The following PRRT3 variants were observed in gnomAD, a reference collection of about 807,000 sequenced individuals.
The protein encoded by PRRT3 is proline rich transmembrane protein 3, also known as proline-rich transmembrane protein 3.
In PRRT3, 48 loss-of-function variants were observed where a neutral mutation model predicts 56.6. That is an observed-to-expected ratio of 0.85 (90% CI 0.67 to 1.08). The LOEUF is 1.08. PRRT3 is among the 50% of genes least tolerant of loss of function. The pLI is 0.00. For missense variants in PRRT3, 1,370 were observed against 1,353.1 expected (o/e 1.01, Z -0.20); for synonymous variants, 641 against 619.1 (o/e 1.04, Z -0.52).
Position 9,947,750 on chromosome 3 carries a change from C to T in PRRT3, c.1423G>A (p.Val475Ile), listed in dbSNP as rs769349850. The T allele has an allele frequency of 4.1e-5, 62 of 1,521,048 alleles. No homozygotes were observed. Among genetic ancestry groups the T allele is most frequent in the Admixed American group, 3.2e-4 (14 of 43,266 alleles). 94.2% of individuals were successfully genotyped at this position (1,521,048 alleles called of 1,614,324 possible). A position where few individuals can be genotyped will look rare whatever the true frequency, so the allele number is the denominator to read the frequency against. ...RVLSFSWELHVYGVGVLFLLP... is the reference protein window; with the variant it reads ...RVLSFSWELHIYGVGVLFLLP... ...AGAAAGAGTACCCCCACCCCGTAGA[C>T]GTGCAGCTCCCAGGAGAAGCTCAGG... The change falls in exon 4 of 4, where the codon GTC becomes ATC. Residue 475 changes from valine to isoleucine, a missense_variant. By Grantham distance (29) the Val-to-Ile change is conservative (BLOSUM62 3). Coordinates refer to ENST00000412055, the MANE Select transcript of PRRT3 (RefSeq NM_207351.5). The surrounding 1 kb of genome is among the most constrained non-coding windows in gnomAD (Gnocchi z 9.2).
chr3:9,949,955 T>C lies in PRRT3; in HGVS notation c.161A>G (p.Glu54Gly). ...GAHPKGSVGS[E>G]PQAFDVFPEN... Reference sequence around the variant, plus strand: ...CGGGAACACGTCAAAGGCCTGGGGCTCTGAGCCCACAGAGCCCTTGGGGTG... The same window carrying C: ...CGGGAACACGTCAAAGGCCTGGGGCCCTGAGCCCACAGAGCCCTTGGGGTG... The change falls in exon 2 of 4, where the codon GAG (glutamate) becomes GGG (glycine). Residue 54 changes from glutamate (E) to glycine (G), a missense_variant. Transcript: ENST00000412055. The surrounding 1 kb of genome is among the most constrained non-coding windows in gnomAD (Gnocchi z 4.5). 1 of 1,586,122 alleles carries C rather than the reference T, an allele frequency of 6.3e-7. No individual in the cohort carries two copies. The highest frequency in any genetic ancestry group is 8.6e-7 in the Non-Finnish European group (1 of 1,167,968).
rs1347967011 is a variant in PRRT3 at position 9,946,519 on chromosome 3, G to A, written c.2654C>T (p.Pro885Leu). The change falls in exon 4 of 4, where the codon CCA (proline) becomes CTA (leucine). Residue 885 changes from proline (P) to leucine (L), a missense_variant. Coordinates refer to ENST00000412055, the MANE Select transcript of PRRT3 (RefSeq NM_207351.5). This position sits in a 1 kb window ranked among gnomAD's most constrained non-coding sequence, Gnocchi z 4.1. ...LSDVRVRGPV[P>L]QHVVEAPDGA... ...GTCGGGTGCTTCCACTACGTGCTGT[G>A]GGACCGGCCCGCGCACGCGCACGTC... 3 of 1,498,970 alleles carry A rather than the reference G, an allele frequency of 2.0e-6. No homozygotes were observed. Among genetic ancestry groups the A allele is most frequent in the Admixed American group, 2.4e-5 (1 of 42,150 alleles). 92.9% of individuals were successfully genotyped at this position (1,498,970 alleles called of 1,614,324 possible). A position where few individuals can be genotyped will look rare whatever the true frequency, so the allele number is the denominator to read the frequency against.
Position 9,947,962 on chromosome 3 carries a change from G to A in PRRT3, c.1211C>T (p.Pro404Leu). 7.3e-7 allele frequency: 1 copy of A among 1,375,568 alleles called. No individual in the cohort carries two copies. The highest frequency in any genetic ancestry group is 9.4e-7 in the Non-Finnish European group (1 of 1,066,796). The allele number at this position is 1,375,568 out of a possible 1,614,324, so 85.2% of individuals were successfully genotyped here. A position where few individuals can be genotyped will look rare whatever the true frequency, so the allele number is the denominator to read the frequency against. The change falls in exon 4 of 4, where the codon CCC becomes CTC. Residue 404 changes from proline (P) to leucine (L), a missense_variant. Coordinates refer to ENST00000412055, the MANE Select transcript of PRRT3 (RefSeq NM_207351.5). This position sits in a 1 kb window ranked among gnomAD's most constrained non-coding sequence, Gnocchi z 9.2. Reference protein sequence around the residue: ...EEWPGRPQSHPPAPPVQAPST... With the variant: ...EEWPGRPQSHLPAPPVQAPST... ...GGGGGCCTGGACTGGGGGTGCTGGGGGATGGCTTTGGGGGCGCCCCGGCCA... is the reference window on the plus strand; with the variant it reads ...GGGGGCCTGGACTGGGGGTGCTGGGAGATGGCTTTGGGGGCGCCCCGGCCA...
intron 1 of PRRT3, among the ~76,000 whole-genome samples, 162 bp downstream of exon 1, chr3:9,952,160 T>C (rs1202072607): frequency 6.6e-6 from 1 of 152,018 alleles, no homozygotes; most frequent in Admixed American, 6.5e-5. Context: ...CTCCTCCTCC[T>C]CCTCCTCCGT....
At position 9,947,064 on chromosome 3, in the gene PRRT3, G is replaced by C; in HGVS notation, c.2109C>G (p.Pro703=). 6.5e-7 allele frequency: 1 copy of C among 1,534,240 alleles called. No homozygotes were observed. The highest frequency in any genetic ancestry group is 1.2e-5 in the South Asian group (1 of 83,848). Residue 703 remains proline (P), a synonymous_variant, in exon 4 of 4, where the codon CCC becomes CCG. Transcript: ENST00000412055. The surrounding 1 kb of genome is among the most constrained non-coding windows in gnomAD (Gnocchi z 9.2). ...LALAAVAAAR[P]RPPTEHACWA... ...AGCAAGCGTGCTCCGTGGGCGGCCT[G>C]GGTCTCGCGGCAGCCACCGCGGCCA... is the stretch of plus-strand genomic sequence containing the variant.
chr3:9,950,058 G>A lies in PRRT3; in HGVS notation c.58C>T (p.Leu20=), dbSNP rs201435838. 150 of 1,511,426 alleles carry A rather than the reference G, an allele frequency of 9.9e-5. No individual in the cohort carries two copies. Among genetic ancestry groups the A allele is most frequent in the Non-Finnish European group, 1.3e-4 (145 of 1,132,502 alleles). 93.6% of individuals were successfully genotyped at this position (1,511,426 alleles called of 1,614,324 possible). The change falls in exon 2 of 4, where the codon CTG becomes TTG. Residue 20 remains leucine, a synonymous_variant. Transcript: ENST00000412055. The stretch of plus-strand genomic sequence containing the variant: ...CTCCCCAGGGCAGGGCCAGTCCCCA[G>A]GAGTGGCAGCAGCAACAGCAGAAGG... The part of the protein sequence containing the change: ...CGLLLLLLPL[L]GTGPALGRGF...
At position 9,946,789 on chromosome 3, in the gene PRRT3, G is replaced by T; in HGVS notation, c.2384C>A (p.Pro795Gln). 1 of 1,547,434 alleles carries T rather than the reference G, an allele frequency of 6.5e-7. No individual in the cohort carries two copies. Among genetic ancestry groups the T allele is most frequent in the Non-Finnish European group, 8.7e-7 (1 of 1,154,286 alleles). ...GPGLSRNGVG[P>Q]APSLSELDLR... Reference sequence around the variant, plus strand: ...ATCCAGCTCGCTCAGCGATGGCGCCGGTCCCACACCGTTGCGGGACAGTCC... The same window carrying T: ...ATCCAGCTCGCTCAGCGATGGCGCCTGTCCCACACCGTTGCGGGACAGTCC... Residue 795 changes from proline (P) to glutamine (Q), a missense_variant, in exon 4 of 4, where the codon CCG becomes CAG. Transcript: ENST00000412055. The surrounding 1 kb of genome is among the most constrained non-coding windows in gnomAD (Gnocchi z 4.1).
intron 1 of PRRT3, among the ~76,000 whole-genome samples, 198 bp downstream of exon 1, chr3:9,952,124 T>C (rs938699805): frequency 6.6e-6 from 1 of 152,110 alleles, no homozygotes; most frequent in Non-Finnish European, 1.5e-5. Flanking sequence ...GCCTCGGAGC[T>C]GGTCCATCTC....
At position 9,949,515 on chromosome 3, in the gene PRRT3, G is replaced by A; in HGVS notation, c.601C>T (p.Pro201Ser). ...TGGGGTGGGCCCTGGTGGTCTGAGG[G>A]AGAAGTGGGTGGGACCCTGCTCTTA... ...KTKSRVPPTS[P>S]SDHQGPPHTL... The change falls in exon 2 of 4, where the codon CCC becomes TCC. Residue 201 changes from proline (P) to serine (S), a missense_variant. Coordinates refer to ENST00000412055, the MANE Select transcript of PRRT3 (RefSeq NM_207351.5). The surrounding 1 kb of genome is among the most constrained non-coding windows in gnomAD (Gnocchi z 4.5). 2 of 1,614,066 alleles carry A rather than the reference G, an allele frequency of 1.2e-6. No homozygotes were observed. The highest frequency in any genetic ancestry group is 1.7e-6 in the Non-Finnish European group (2 of 1,180,004).
rs1028577172 is a variant in PRRT3, at chr3:9,947,691, TGCCAGCGCA to T, written c.1473_1481del (p.Leu493_Ala495del). On this transcript the variant is annotated inframe_deletion, in exon 4 of 4. Transcript: ENST00000412055. The surrounding 1 kb of genome is among the most constrained non-coding windows in gnomAD (Gnocchi z 9.2). ...CCAGCCGGGGCCCTGCTGGGGCGGC[TGCCAGCGCA>T]GCCAGCGCCAACAACGCGGGCAGCA... 1.9e-6 allele frequency: 3 copies of T among 1,569,088 alleles called. No homozygotes were observed. Among genetic ancestry groups the T allele is most frequent in the Non-Finnish European group, 2.6e-6 (3 of 1,160,914 alleles).
At position 9,947,541 on chromosome 3, in the gene PRRT3, G is replaced by T; in HGVS notation, c.1632C>A (p.Pro544=). The T allele has an allele frequency of 1.2e-6, 2 of 1,611,372 alleles. No individual in the cohort carries two copies. The highest frequency in any genetic ancestry group is 1.7e-6 in the Non-Finnish European group (2 of 1,179,380). ...CCAGCGCCGTAAGCAGCAAGGGGAA[G>T]GGCAGGTTGTAGAGCACCAGGCCCC... ...VRGGLVLYNL[P]FPLLLTALAA... Residue 544 remains proline (P), a synonymous_variant, in exon 4 of 4, where the codon CCC becomes CCA. Transcript: ENST00000412055. This position sits in a 1 kb window ranked among gnomAD's most constrained non-coding sequence, Gnocchi z 9.2.
chr3:9,948,315 G>C (rs968126744), intron 3 of PRRT3: 2 of 353,938 alleles, frequency 5.7e-6, no homozygotes, highest in Middle Eastern at 7.1e-4. Flanking sequence ...TTGGGACGTG[G>C]CTTGGGCATT....
chr3:9,946,931 A>G lies in PRRT3; in HGVS notation c.2242T>C (p.Leu748=), dbSNP rs1261912675. Residue 748 remains leucine, a synonymous_variant, in exon 4 of 4, where the codon TTG becomes CTG. Transcript: ENST00000412055. The surrounding 1 kb of genome is among the most constrained non-coding windows in gnomAD (Gnocchi z 4.1). ...AGPSNVGAGS[L]DISKSLIRNP... is the part of the protein sequence containing the mutation. ...CGGATGAGGCTCTTGCTGATGTCCAAGCTGCCTGCACCAACGTTGCTGGGC... is the reference window on the plus strand; with the variant it reads ...CGGATGAGGCTCTTGCTGATGTCCAGGCTGCCTGCACCAACGTTGCTGGGC... 3.2e-6 allele frequency: 5 copies of G among 1,541,174 alleles called. No individual in the cohort carries two copies. In the East Asian group the frequency reaches 7.2e-5, roughly 22 times the overall value.
Position 9,949,308 on chromosome 3 carries a change from G to A in PRRT3, c.808C>T (p.Pro270Ser). The part of the protein sequence containing the change: ...VVYSQEPGAQ[P>S]DLALARSLPP... ...AGGCTTCTGGCCAATGCCAAGTCTG[G>A]CTGGGCCCCTGGCTCCTGAGAGTAC... The change falls in exon 2 of 4, where the codon CCA (proline) becomes TCA (serine). Residue 270 changes from proline to serine, a missense_variant. Transcript: ENST00000412055. This position sits in a 1 kb window ranked among gnomAD's most constrained non-coding sequence, Gnocchi z 4.5. 6.2e-7 allele frequency: 1 copy of A among 1,613,190 alleles called. No individual in the cohort carries two copies. Among genetic ancestry groups the A allele is most frequent in the Non-Finnish European group, 8.5e-7 (1 of 1,179,404 alleles).
chr3:9,947,967 G>T lies in PRRT3; in HGVS notation c.1206C>A (p.Ser402Arg). 1 of 1,363,376 alleles carries T rather than the reference G, an allele frequency of 7.3e-7. No individual in the cohort carries two copies. The highest frequency in any genetic ancestry group is 3.0e-5 in the Admixed American group (1 of 32,996). The allele number at this position is 1,363,376 out of a possible 1,614,324, so 84.5% of individuals were successfully genotyped here. ...EAEEWPGRPQ[S>R]HPPAPPVQAP... is the part of the protein sequence containing the mutation. ...CCTGGACTGGGGGTGCTGGGGGATG[G>T]CTTTGGGGGCGCCCCGGCCACTCCT... Residue 402 changes from serine (S) to arginine (R), a missense_variant, in exon 4 of 4, where the codon AGC (serine) becomes AGA (arginine). Coordinates refer to ENST00000412055, the MANE Select transcript of PRRT3 (RefSeq NM_207351.5). The surrounding 1 kb of genome is among the most constrained non-coding windows in gnomAD (Gnocchi z 9.2).
At position 9,946,353 on chromosome 3, in the gene PRRT3, T is replaced by C; in HGVS notation, c.2820A>G (p.Leu940=). 1 of 1,611,572 alleles carries C rather than the reference T, an allele frequency of 6.2e-7. No homozygotes were observed. Among genetic ancestry groups the C allele is most frequent in the African/African-American group, 1.3e-5 (1 of 74,998 alleles). The change falls in exon 4 of 4, where the codon CTA becomes CTG. Residue 940 remains leucine (L), a synonymous_variant. Coordinates refer to ENST00000412055, the MANE Select transcript of PRRT3 (RefSeq NM_207351.5). The surrounding 1 kb of genome is among the most constrained non-coding windows in gnomAD (Gnocchi z 4.1). ...CAGGGGCTGGGGTCGGGGCAGGCAG[T>C]AGCTGTACCGTGCTGGGCAACTCAT... ...PLDELPSTVQ[L]LPAPTPAPDS...
At position 9,947,875 on chromosome 3, in the gene PRRT3, G is replaced by A. The variant is rs1396366400; in HGVS notation, c.1298C>T (p.Pro433Leu). 8 of 1,427,654 alleles carry A rather than the reference G, an allele frequency of 5.6e-6. No homozygotes were observed. In the African/African-American group the frequency reaches 1.0e-4, roughly 19 times the overall value. 88.4% of individuals were successfully genotyped at this position (1,427,654 alleles called of 1,614,324 possible). Residue 433 changes from proline to leucine, a missense_variant, in exon 4 of 4, where the codon CCT (proline) becomes CTT (leucine). Coordinates refer to ENST00000412055, the MANE Select transcript of PRRT3 (RefSeq NM_207351.5). This position sits in a 1 kb window ranked among gnomAD's most constrained non-coding sequence, Gnocchi z 9.2. Reference sequence around the variant, plus strand: ...CATGGAGCTGGCGGTGGGCTCCGGAGGGGGAGGCTGGCCCAGGGCTCGCTG... The same window carrying A: ...CATGGAGCTGGCGGTGGGCTCCGGAAGGGGAGGCTGGCCCAGGGCTCGCTG... ...TTQRALGQPP[P>L]PEPTASSMAS...
rs1487704472 is a variant in PRRT3 at position 9,946,302 on chromosome 3, G to A, written c.2871C>T (p.Asp957=). The change falls in exon 4 of 4, where the codon GAC becomes GAT. Residue 957 remains aspartate (D), a synonymous_variant. Coordinates refer to ENST00000412055, the MANE Select transcript of PRRT3 (RefSeq NM_207351.5). The surrounding 1 kb of genome is among the most constrained non-coding windows in gnomAD (Gnocchi z 4.1). ...CGCGCGGCTGGACCTCTCCCTGGCC[G>A]TCCCCCTGCCGAGCGGCGGTAGAAT... ...APDSTAARQG[D]GQGEVQPRGK... is the part of the protein sequence containing the mutation. The A allele has an allele frequency of 1.2e-6, 2 of 1,612,522 alleles. No homozygotes were observed. The highest frequency in any genetic ancestry group is 1.7e-6 in the Non-Finnish European group (2 of 1,179,812).
At chr3:9,948,589 G>A (rs1016742367) in intron 3 of PRRT3, 169 bp downstream of exon 3, 4 of 717,582 alleles carry the variant, frequency 5.6e-6, no homozygotes, top group African/African-American at 5.3e-5. Flanking sequence ...ATTTCCCAGT[G>A]AGTATGAATT....
Sources: allele counts gnomAD v4.1 joint callset (sites outside exome capture counted in the v4.1 genomes callset), GRCh38; gene constraint gnomAD v4.1.1; non-coding constraint Gnocchi (gnomAD v3.1); transcripts MANE v1.5; gene names NCBI Gene and HGNC (gene_info 2026-07-23, HGNC 2026-07-21).